Variants in GLI2 observed in about 807,000 individuals in gnomAD.
The protein encoded by GLI2 is GLI family zinc finger 2, also known as transcription activator GLI2.
A neutral mutation model predicts 78.9 loss-of-function variants in GLI2; 22 were observed. The observed-to-expected ratio is 0.28, with a 90% CI of 0.20 to 0.40. GLI2 has a LOEUF of 0.40. Ranked by LOEUF, GLI2 falls within the 10% of genes least tolerant of loss-of-function variation. The pLI is 1.00. For missense variants in GLI2, 2,097 were observed against 2,213.2 expected (o/e 0.95, Z 1.05); for synonymous variants, 974 against 963.7 (o/e 1.01, Z -0.20).
At chr2:120,831,196 T>C (rs981195695) in intron 2 of GLI2, among the ~76,000 whole-genome samples, 3 of 152,130 alleles carry the variant, frequency 2.0e-5, no homozygotes, top group African/African-American at 7.2e-5. Context: ...TGCTCCCAGC[T>C]GGGAGGTTGG....
intron 1 of GLI2, among the ~76,000 whole-genome samples, chr2:120,753,347 C>T (rs1682936282): frequency 6.6e-6 from 1 of 152,132 alleles, no homozygotes; most frequent in African/African-American, 2.4e-5. Flanking sequence ...CTACCTGCGT[C>T]GACCTCTGAA....
chr2:120,956,783 A>G (rs1681286477), intron 5 of GLI2, among the ~76,000 whole-genome samples: 1 of 152,024 alleles, frequency 6.6e-6, no homozygotes, highest in Non-Finnish European at 1.5e-5. Context: ...AGCCTGTAGC[A>G]GGTTGGGGTG....
Position 120,875,870 on chromosome 2 carries a change from C to T in GLI2, c.149-51491C>T, listed in dbSNP as rs541566071. Among the ~76,000 whole-genome samples, 285 of 152,256 alleles carry T rather than the reference C, an allele frequency of 1.9e-3. 5 individuals are homozygous for T. The South Asian group carries it at 0.023, about 12-fold the overall frequency. On this transcript the variant is annotated intron_variant, in intron 2 of 13. Coordinates refer to ENST00000361492, the MANE Select transcript of GLI2 (RefSeq NM_001374353.1). ...CTATAAAGCTGTAGTGATTAAAACA[C>T]AGTGTTGGGACAGAACGGAGGGGCC...
Position 120,989,445 on chromosome 2 carries a change from G to A in GLI2, c.3480G>A (p.Lys1160=). Residue 1160 remains lysine (K), a synonymous_variant, in exon 14 of 14, where the codon AAG becomes AAA. Transcript: ENST00000361492. ...GCAACCTGGCGGTGGTGCAGCAGAAGCCTGCCTTTGGCCAGTACCCGGGCT... is the reference window on the plus strand; with the variant it reads ...GCAACCTGGCGGTGGTGCAGCAGAAACCTGCCTTTGGCCAGTACCCGGGCT... The part of the protein sequence containing the change: ...PQGNLAVVQQ[K]PAFGQYPGYS... 1 of 1,613,078 alleles carries A rather than the reference G, an allele frequency of 6.2e-7. No homozygotes were observed. The highest frequency in any genetic ancestry group is 1.7e-5 in the Admixed American group (1 of 60,028).
At chr2:120,818,741 C>T (rs1685625262) in intron 2 of GLI2, among the ~76,000 whole-genome samples, 1 of 152,202 alleles carries the variant, frequency 6.6e-6, no homozygotes, top group South Asian at 2.1e-4. Flanking sequence ...CCTTCAAGGC[C>T]AAATTCAGTA....
chr2:120,884,313 G>A (rs1677294643), intron 2 of GLI2, among the ~76,000 whole-genome samples: 1 of 152,152 alleles, frequency 6.6e-6, no homozygotes, highest in African/African-American at 2.4e-5. Context: ...GGAGAGCGTA[G>A]GTAAAGGACA....
intron 3 of GLI2, among the ~76,000 whole-genome samples, chr2:120,934,301 C>G (rs1680090012): frequency 6.6e-6 from 1 of 152,324 alleles, no homozygotes; most frequent in Non-Finnish European, 1.5e-5. Context: ...TGACCTAAAC[C>G]TATTCATATT....
chr2:120,826,841 G>T (rs899930561), intron 2 of GLI2, among the ~76,000 whole-genome samples: 2 of 152,104 alleles, frequency 1.3e-5, no homozygotes, highest in African/African-American at 4.8e-5. Flanking sequence ...TTTCAGATCC[G>T]CCTGGGCAAC....
At chr2:120,744,226 A>G (rs1328134432) in intron 1 of GLI2, among the ~76,000 whole-genome samples, 1 of 152,240 alleles carries the variant, frequency 6.6e-6, no homozygotes, top group Non-Finnish European at 1.5e-5. Flanking sequence ...TTGAAGGCAC[A>G]TCACTCAGAC....
chr2:120,986,126 C>G lies in GLI2; in HGVS notation c.1906-152C>G, dbSNP rs933536862. 1.2e-4 allele frequency: 79 copies of G among 685,368 alleles called. 2 individuals are homozygous for G. In the South Asian group the frequency reaches 1.3e-3, roughly 11 times the overall value. 42.5% of individuals were successfully genotyped at this position (685,368 alleles called of 1,614,324 possible). On this transcript the variant is annotated intron_variant, in intron 12 of 13. Transcript: ENST00000361492. The stretch of plus-strand genomic sequence containing the variant: ...CCGTTTTAAGCAAACAGACTCATGA[C>G]GCTTTACGTGCTCCTCCGCAAGGCA...
At chr2:120,870,235 G>T (rs544780630) in intron 2 of GLI2, among the ~76,000 whole-genome samples, 3 of 152,118 alleles carry the variant, frequency 2.0e-5, no homozygotes, top group Non-Finnish European at 4.4e-5. Flanking sequence ...TTCATCATGG[G>T]CTGAGGTGAT....
intron 2 of GLI2, among the ~76,000 whole-genome samples, chr2:120,881,671 G>A (rs1677141086): frequency 1.2e-5 from 1 of 84,968 alleles, no homozygotes; most frequent in African/African-American, 4.9e-5. Flanking sequence ...ACAGTGTGGG[G>A]ACGGCAGGTG....
chr2:120,833,021 C>T (rs7565419), intron 2 of GLI2, among the ~76,000 whole-genome samples: 140,632 of 152,076 alleles, frequency 0.92, 65,567 homozygotes, highest in East Asian at 1. Flanking sequence ...GGGCCTGGAG[C>T]CCAGGGACAT....
chr2:120,750,137 C>A (rs567459342), intron 1 of GLI2, among the ~76,000 whole-genome samples: 1 of 152,354 alleles, frequency 6.6e-6, no homozygotes, highest in African/African-American at 2.4e-5. Flanking sequence ...GCCTGGGTGG[C>A]CCCTCGTGTC....
intron 2 of GLI2, among the ~76,000 whole-genome samples, chr2:120,886,204 GTGTGTGCGTGTA>G (rs1489444996): frequency 0.082 from 2,922 of 35,564 alleles, 160 homozygotes; most frequent in African/African-American, 0.42. Flanking sequence ...GTGTGTGTGT[GTGTGTGCGTGTA>G]TATTTTGGTT....
chr2:120,841,418 C>T (rs746561445), intron 2 of GLI2, among the ~76,000 whole-genome samples: 5 of 152,222 alleles, frequency 3.3e-5, no homozygotes, highest in South Asian at 2.1e-4. Context: ...CCATCCTGCA[C>T]GCTGCTCTGC....
At chr2:120,976,471 C>T (rs1163224254) in intron 9 of GLI2, among the ~76,000 whole-genome samples, 2 of 152,218 alleles carry the variant, frequency 1.3e-5, no homozygotes, top group Non-Finnish European at 2.9e-5. Context: ...CTTAATTTTT[C>T]AACTTGTACC....
intron 2 of GLI2, among the ~76,000 whole-genome samples, chr2:120,860,743 T>C (rs1167581717): frequency 6.6e-6 from 1 of 152,078 alleles, no homozygotes; most frequent in Non-Finnish European, 1.5e-5. Flanking sequence ...GCCTGGCCCA[T>C]TGTTAACAGG....
At chr2:120,844,651 C>T (rs904784017) in intron 2 of GLI2, among the ~76,000 whole-genome samples, 7 of 152,182 alleles carry the variant, frequency 4.6e-5, no homozygotes, top group African/African-American at 7.2e-5. Flanking sequence ...AGGAAATTAA[C>T]GTTTTCTTCC....
Sources: allele counts gnomAD v4.1 joint callset (sites outside exome capture counted in the v4.1 genomes callset), GRCh38; gene constraint gnomAD v4.1.1; transcripts MANE v1.5; gene names NCBI Gene and HGNC (gene_info 2026-07-23, HGNC 2026-07-21).